MUC6: variants seen among roughly 807,000 people sequenced by gnomAD.
MUC6 encodes mucin 6, oligomeric mucus/gel-forming (gene/pseudogene).
MUC6 carries 188 observed loss-of-function variants against 201.5 expected under a neutral mutation model. The ratio of observed to expected loss-of-function variants is 0.93; its 90% confidence interval spans 0.83 to 1.05. MUC6 has a LOEUF of 1.05. Ranked by LOEUF, MUC6 falls within the 50% of genes least tolerant of loss-of-function variation. The pLI is 0.00. For missense variants in MUC6, 2,706 were observed against 3,256.9 expected (o/e 0.83, Z 4.12); for synonymous variants, 1,228 against 1,389.4 (o/e 0.88, Z 2.58).
In MUC6 at chr11:1,020,277, A is replaced by C; in HGVS notation, c.3641-20T>G. On this transcript the variant is annotated intron_variant, in intron 28 of 32. Coordinates refer to ENST00000421673, the MANE Select transcript of MUC6 (RefSeq NM_005961.3). ...GTGAGCCTGGGTGGGCGGACATGCC[A>C]TCAGGGCTGCAGGGTACCGGCATAT... is the stretch of plus-strand genomic sequence containing the variant. The C allele has an allele frequency of 6.3e-7, 1 of 1,593,094 alleles. No homozygotes were observed. Among genetic ancestry groups the C allele is most frequent in the Non-Finnish European group, 8.5e-7 (1 of 1,170,662 alleles).
rs746831278 is a variant in MUC6, at chr11:1,027,334, G to A, written c.2165C>T (p.Pro722Leu). Residue 722 changes from proline to leucine, a missense_variant, in exon 17 of 33, where the codon CCG (proline) becomes CTG (leucine). By Grantham distance (98) the Pro-to-Leu change is moderately conservative (BLOSUM62 -3). Around this residue, in one of 10 missense-constraint regions of MUC6, gnomAD observed 1,850 missense variants for 1,958.3 expected, o/e 0.94. Coordinates refer to ENST00000421673, the MANE Select transcript of MUC6 (RefSeq NM_005961.3). ...KGECVRKAQC[P>L]CILEGYKFIL... ...GAACTTGTAACCCTCCAGTATGCAC[G>A]GGCACTGGGCCTTGCGCACACACTC... is the stretch of plus-strand genomic sequence containing the variant. The A allele has an allele frequency of 2.2e-5, 36 of 1,612,860 alleles. No individual in the cohort carries two copies. Among genetic ancestry groups the A allele is most frequent in the Middle Eastern group, 1.6e-4 (1 of 6,084 alleles).
In MUC6 at chr11:1,030,615, C is replaced by A; in HGVS notation, c.850G>T (p.Val284Leu). 6.5e-7 allele frequency: 1 copy of A among 1,534,724 alleles called. No individual in the cohort carries two copies. Among genetic ancestry groups the A allele is most frequent in the Non-Finnish European group, 8.8e-7 (1 of 1,140,442 alleles). Residue 284 changes from valine to leucine, a missense_variant, in exon 7 of 33, where the codon GTG becomes TTG. By Grantham distance (32) the Val-to-Leu change is conservative (BLOSUM62 1). Transcript: ENST00000421673. ...CGCCAGCGGCGGACCGGCTGGCCCA[C>A]CATGCTGCACTGGCGGGAGTACTCC... ...LSEYSRQCSM[V>L]GQPVRRWRSP...
rs200078036 is a variant in MUC6, at chr11:1,029,275, C to T, written c.1228G>A (p.Ala410Thr). Residue 410 changes from alanine (A) to threonine (T), a missense_variant, in exon 10 of 33, where the codon GCC (alanine) becomes ACC (threonine). This residue lies in a region of MUC6 where 1,850 missense variants were observed against 1,958.3 expected (regional missense o/e 0.94). Coordinates refer to ENST00000421673, the MANE Select transcript of MUC6 (RefSeq NM_005961.3). ...EGGSFVTTFD[A>T]RPYRFHGTCT... is the part of the protein sequence containing the mutation. The stretch of plus-strand genomic sequence containing the variant: ...GTGCCGTGGAAGCGGTAGGGCCTGG[C>T]GTCAAATGTGGTAACAAAGGAGCCA... 244 of 1,607,000 alleles carry T rather than the reference C, an allele frequency of 1.5e-4. 1 individual carries two copies. Among genetic ancestry groups the T allele is most frequent in the East Asian group, 1.1e-3 (51 of 44,630 alleles).
chr11:1,030,366 T>TTGC, intron 7 of MUC6, 31 bp from the exon 8 acceptor site: 1 of 1,489,592 alleles, frequency 6.7e-7, no homozygotes. Context: ...GGTGAGAGGG[T>TTGC]CCCACCCCCC....
chr11:1,023,409 T>G, intron 26 of MUC6, 100 bp downstream of exon 26: 1 of 1,390,298 alleles, frequency 7.2e-7, no homozygotes, highest in Non-Finnish European at 9.7e-7. Flanking sequence ...TGAGCATGAA[T>G]GAATGTGTGA....
In MUC6 at chr11:1,027,530, C is replaced by T. The variant is rs534392914; in HGVS notation, c.1982-13G>A. 77 of 1,611,400 alleles carry T rather than the reference C, an allele frequency of 4.8e-5. No individual in the cohort carries two copies. The South Asian group carries it at 5.9e-4, about 12-fold the overall frequency. ...GTGCAGGGGATGGCTGTGGGGGACCCGGGCATCAGACTCTCCGGGAGGGGG... is the reference window on the plus strand; with the variant it reads ...GTGCAGGGGATGGCTGTGGGGGACCTGGGCATCAGACTCTCCGGGAGGGGG... On this transcript the variant is annotated splice_polypyrimidine_tract_variant and intron_variant, in intron 16 of 32. Coordinates refer to ENST00000421673, the MANE Select transcript of MUC6 (RefSeq NM_005961.3).
At chr11:1,022,668 T>G (rs1327430321) in intron 26 of MUC6, among the ~76,000 whole-genome samples, 1 of 152,156 alleles carries the variant, frequency 6.6e-6, no homozygotes, top group Non-Finnish European at 1.5e-5. Flanking sequence ...GCAGGACTGT[T>G]TGTTTTGTGT....
intron 29 of MUC6, among the ~76,000 whole-genome samples, 182 bp from the exon 30 acceptor site, chr11:1,019,678 C>G (rs926292876): frequency 2.6e-5 from 4 of 152,174 alleles, no homozygotes; most frequent in African/African-American, 9.7e-5. Flanking sequence ...CTGTGGTGGC[C>G]AGAGCTGGGG....
rs1856784405 is a variant in MUC6 at position 1,020,593 on chromosome 11, C to T, written c.3640+91G>A. ...GGCACAGGTACTGCCTGCCCCCTCC[C>T]TGCTTCCCACCCGACAGATTTGTCC... On this transcript the variant is annotated intron_variant, in intron 28 of 32. Coordinates refer to ENST00000421673, the MANE Select transcript of MUC6 (RefSeq NM_005961.3). 9 of 1,567,260 alleles carry T rather than the reference C, an allele frequency of 5.7e-6. No homozygotes were observed. In the East Asian group the frequency reaches 6.7e-5, roughly 12 times the overall value.
chr11:1,019,150 G>A, intron 30 of MUC6, 125 bp downstream of exon 30: 5 of 1,144,734 alleles, frequency 4.4e-6, no homozygotes, highest in Non-Finnish European at 6.3e-6. Flanking sequence ...TACACTTTTG[G>A]GCTGCCTTCT....
At chr11:1,036,051 G>A (rs1404202123) in intron 1 of MUC6, among the ~76,000 whole-genome samples, 1 of 152,112 alleles carries the variant, frequency 6.6e-6, no homozygotes, top group Non-Finnish European at 1.5e-5. Context: ...GCGCGGGGGA[G>A]AGGGCAGGCT....
In MUC6 at chr11:1,020,077, G is replaced by A. The variant is rs1326124265; in HGVS notation, c.3808+13C>T. On this transcript the variant is annotated intron_variant, in intron 29 of 32. Transcript: ENST00000421673. ...AGCTGCCCTCTCCATGGGCTCAGCT[G>A]GAGGCTCCTTACCTCCCGAGGAGGC... 6.2e-7 allele frequency: 1 copy of A among 1,612,854 alleles called. No individual in the cohort carries two copies. The highest frequency in any genetic ancestry group is 2.2e-5 in the East Asian group (1 of 44,880).
intron 19 of MUC6, among the ~76,000 whole-genome samples, chr11:1,026,725 C>T (rs570983323): frequency 1.8e-4 from 27 of 152,358 alleles, no homozygotes; most frequent in Admixed American, 1.2e-3. Flanking sequence ...GGCAGCCCAC[C>T]CTCCCCGAGC....
Position 1,030,967 on chromosome 11 carries a change from G to C in MUC6, c.664C>G (p.His222Asp), listed in dbSNP as rs978792757. Residue 222 changes from histidine to aspartate, a missense_variant, in exon 6 of 33, where the codon CAC becomes GAC. By Grantham distance (81) the His-to-Asp change is moderately conservative. Coordinates refer to ENST00000421673, the MANE Select transcript of MUC6 (RefSeq NM_005961.3). ...CTTACGTGCTGGGCCTGCCGGACGTGGGTGCTGGGGATGTCCTGGAAGGTG... is the reference window on the plus strand; with the variant it reads ...CTTACGTGCTGGGCCTGCCGGACGTCGGTGCTGGGGATGTCCTGGAAGGTG... The part of the protein sequence containing the change: ...ICTFQDIPST[H>D]VRQAQHARIC... 1.3e-6 allele frequency: 2 copies of C among 1,581,672 alleles called. No individual in the cohort carries two copies. Among genetic ancestry groups the C allele is most frequent in the Non-Finnish European group, 1.7e-6 (2 of 1,164,480 alleles).
At chr11:1,014,730 C>T (rs1856562503) in intron 31 of MUC6, among the ~76,000 whole-genome samples, 1 of 152,206 alleles carries the variant, frequency 6.6e-6, no homozygotes, top group Admixed American at 6.5e-5. Flanking sequence ...CTCCCAGCTT[C>T]GTTTCCTGGC....
At chr11:1,035,243 C>T (rs1351393636) in intron 1 of MUC6, among the ~76,000 whole-genome samples, 1 of 152,244 alleles carries the variant, frequency 6.6e-6, no homozygotes, top group Non-Finnish European at 1.5e-5. Context: ...CCACTTGGCC[C>T]TCCACCCTCT....
rs201250690 is a variant in MUC6, at chr11:1,020,674, G to T, written c.3640+10C>A. On this transcript the variant is annotated intron_variant, in intron 28 of 32. Coordinates refer to ENST00000421673, the MANE Select transcript of MUC6 (RefSeq NM_005961.3). ...TGCGTCACCTTGGCACCTAGTGTGC[G>T]TGCAATTACCTGTGGTGGGCAGCTG... 3.7e-6 allele frequency: 6 copies of T among 1,613,612 alleles called. No individual in the cohort carries two copies. The highest frequency in any genetic ancestry group is 4.5e-5 in the East Asian group (2 of 44,902).
At position 1,031,990 on chromosome 11, in the gene MUC6, A is replaced by G. The variant is rs774883739; in HGVS notation, c.179T>C (p.Val60Ala). The change falls in exon 3 of 33, where the codon GTG (valine) becomes GCG (alanine). Residue 60 changes from valine to alanine, a missense_variant. Transcript: ENST00000421673. ...GTTGCACGTCCCCGAGAAGTCGTACACGTGGTGGTCGAAGGTGGAGAAGTG... is the reference window on the plus strand; with the variant it reads ...GTTGCACGTCCCCGAGAAGTCGTACGCGTGGTGGTCGAAGGTGGAGAAGTG... ...AGHFSTFDHH[V>A]YDFSGTCNYI... is the part of the protein sequence containing the mutation. 1.9e-6 allele frequency: 3 copies of G among 1,613,492 alleles called. No individual in the cohort carries two copies. Among genetic ancestry groups the G allele is most frequent in the African/African-American group, 2.7e-5 (2 of 74,910 alleles).
In MUC6 at chr11:1,029,167, C is replaced by T; in HGVS notation, c.1276-17G>A. The T allele has an allele frequency of 6.2e-7, 1 of 1,608,498 alleles. No homozygotes were observed. The highest frequency in any genetic ancestry group is 8.5e-7 in the Non-Finnish European group (1 of 1,178,148). ...CTGGGGGCTCTGCGAGGGGGCGGGG[C>T]TCAGACACGGGTGGGGTCACCGGGA... On this transcript the variant is annotated splice_polypyrimidine_tract_variant and intron_variant, in intron 10 of 32. Coordinates refer to ENST00000421673, the MANE Select transcript of MUC6 (RefSeq NM_005961.3).
Sources: allele counts gnomAD v4.1 joint callset (sites outside exome capture counted in the v4.1 genomes callset), GRCh38; gene constraint gnomAD v4.1.1; regional missense constraint gnomAD v4.1.1; transcripts MANE v1.5; gene names NCBI Gene and HGNC (gene_info 2026-07-23, HGNC 2026-07-21).